CCDC171: variants seen among roughly 807,000 people sequenced by gnomAD.
CCDC171 encodes the protein coiled-coil domain-containing protein 171.
Under a neutral mutation model 168.2 loss-of-function variants are expected in CCDC171, and 177 were observed. That is an observed-to-expected ratio of 1.05 (90% confidence interval 0.93 to 1.19). The LOEUF (loss-of-function observed/expected upper bound fraction) is 1.19, where lower values mean the gene tolerates loss of function less well. CCDC171 is among the 50% of genes most tolerant of loss of function. The pLI, the probability that CCDC171 is intolerant of heterozygous loss-of-function variation, is 0.00. For synonymous variants in CCDC171, 687 were observed against 540.8 expected (o/e 1.27, Z -3.75); for missense variants, 1,991 against 1,539.0 (o/e 1.29, Z -4.91).
chr9:15,869,513 G>GTTT lies in CCDC171; in HGVS notation c.3469-5011_3469-5009dup, dbSNP rs72548935. 4.1e-3 allele frequency among the ~76,000 whole-genome samples: 610 copies of GTTT among 147,990 alleles called. 8 individuals carry two copies. Among genetic ancestry groups the GTTT allele is most frequent in the African/African-American group, 0.013 (533 of 40,148 alleles). ...TACTAAGAGCCTCTGAAAGCGTAGT[G>GTTT]TTTTTTTTTTGTTTGTTTTTGTTTT... On this transcript the variant is annotated intron_variant, in intron 23 of 25. Coordinates refer to ENST00000380701, the MANE Select transcript of CCDC171 (RefSeq NM_173550.4).
chr9:15,774,946 A>G (rs2057230683), intron 18 of CCDC171, among the ~76,000 whole-genome samples: 2 of 152,170 alleles, frequency 1.3e-5, no homozygotes, highest in South Asian at 4.1e-4. Context: ...TACTTTGGGG[A>G]CTCAGGGGAA....
At chr9:15,825,435 G>A (rs978018437) in intron 21 of CCDC171, among the ~76,000 whole-genome samples, 1 of 152,040 alleles carries the variant, frequency 6.6e-6, no homozygotes, top group Admixed American at 6.6e-5. Context: ...TACGTTCTCT[G>A]CAATCCTCTA....
intron 18 of CCDC171, among the ~76,000 whole-genome samples, chr9:15,776,804 G>C (rs1487763548): frequency 6.6e-6 from 1 of 152,116 alleles, no homozygotes; most frequent in East Asian, 1.9e-4. Flanking sequence ...ATGATGTAAA[G>C]ACAAGATTTA....
intron 4 of CCDC171, among the ~76,000 whole-genome samples, chr9:15,590,237 C>A (rs2131430143): frequency 6.6e-6 from 1 of 152,158 alleles, no homozygotes; most frequent in Admixed American, 6.5e-5. Context: ...CCTTTTGTAC[C>A]TTTTATACCT....
At chr9:15,737,383 G>T (rs1413431013) in intron 16 of CCDC171, among the ~76,000 whole-genome samples, 1 of 152,172 alleles carries the variant, frequency 6.6e-6, no homozygotes, top group African/African-American at 2.4e-5. Context: ...TAGAAGAGGA[G>T]ATAGATGGTC....
In CCDC171 at chr9:15,819,530, G is replaced by A. The variant is rs1489905050; in HGVS notation, c.3268-27172G>A. 1.7e-5 allele frequency among the ~76,000 whole-genome samples: 2 copies of A among 115,996 alleles called. 1 individual carries two copies. The highest frequency in any genetic ancestry group is 4.3e-4 in the East Asian group (2 of 4,646). The allele number at this position is 115,996 out of a possible 152,430, so 76.1% of individuals were successfully genotyped here. A position where few individuals can be genotyped will look rare whatever the true frequency, so the allele number is the denominator to read the frequency against. On this transcript the variant is annotated intron_variant, in intron 21 of 25. Transcript: ENST00000380701. ...CAAATGGAAAACAAAAATAGGCAGGGGTTGCCATCCTAATCTCGGATAAAA... is the reference window on the plus strand; with the variant it reads ...CAAATGGAAAACAAAAATAGGCAGGAGTTGCCATCCTAATCTCGGATAAAA...
chr9:15,826,369 A>C (rs2060012226), intron 21 of CCDC171, among the ~76,000 whole-genome samples: 1 of 152,112 alleles, frequency 6.6e-6, no homozygotes, highest in African/African-American at 2.4e-5. Context: ...TATTTTCCAA[A>C]AATGGCCACA....
intron 3 of CCDC171, among the ~76,000 whole-genome samples, chr9:16,007,574 T>C (rs1452984076): frequency 6.6e-6 from 1 of 152,238 alleles, no homozygotes; most frequent in East Asian, 1.9e-4. Flanking sequence ...AGGTTTAATA[T>C]GTAAGTCTTT....
intron 7 of CCDC171, among the ~76,000 whole-genome samples, chr9:15,650,768 C>T (rs942228116): frequency 1.3e-5 from 2 of 151,832 alleles, no homozygotes; most frequent in Admixed American, 1.3e-4. Context: ...TTATGGGGTA[C>T]ATGTGTTTTT....
chr9:15,756,363 T>C (rs917836837), intron 18 of CCDC171, among the ~76,000 whole-genome samples: 3 of 152,188 alleles, frequency 2.0e-5, no homozygotes, highest in Admixed American at 2.0e-4. Context: ...GAATGGTTAC[T>C]GTTATTTTTT....
At chr9:16,067,147 G>C in the CCDC171 span, among the ~76,000 whole-genome samples, 4 of 151,728 alleles carry the variant, frequency 2.6e-5, no homozygotes, top group Non-Finnish European at 5.9e-5. Flanking sequence ...TTTTAATGAT[G>C]GCCATTCTAA....
intron 23 of CCDC171, among the ~76,000 whole-genome samples, chr9:15,870,035 C>G (rs893806548): frequency 1.3e-5 from 2 of 151,638 alleles, no homozygotes; most frequent in Non-Finnish European, 2.9e-5. Context: ...GTCTTTGTCT[C>G]AACTACTCAA....
Position 15,729,815 on chromosome 9 carries a change from A to G in CCDC171, c.2049+17A>G, listed in dbSNP as rs767625284. 4.4e-6 allele frequency: 7 copies of G among 1,586,768 alleles called. No homozygotes were observed. The highest frequency in any genetic ancestry group is 1.7e-4 in the Middle Eastern group (1 of 5,902). On this transcript the variant is annotated intron_variant, in intron 16 of 25. Transcript: ENST00000380701. Reference sequence around the variant, plus strand: ...AGGGCACAGGTATGCTACCTTTACAAAGAGCTTTAAAAAATGGGTTACTCA... The same window carrying G: ...AGGGCACAGGTATGCTACCTTTACAGAGAGCTTTAAAAAATGGGTTACTCA...
At chr9:15,615,692 A>G (rs2044028570) in intron 6 of CCDC171, among the ~76,000 whole-genome samples, 2 of 151,952 alleles carry the variant, frequency 1.3e-5, no homozygotes, top group Non-Finnish European at 2.9e-5. Flanking sequence ...AATAGTGGGC[A>G]TACTCTTTGT....
intron 9 of CCDC171, among the ~76,000 whole-genome samples, chr9:15,673,933 C>T (rs1435583515): frequency 6.6e-6 from 1 of 152,166 alleles, no homozygotes; most frequent in East Asian, 1.9e-4. Context: ...GTACCAGCTC[C>T]TCTTTGTACC....
chr9:15,814,895 C>G (rs565681746), intron 21 of CCDC171, among the ~76,000 whole-genome samples: 3 of 152,088 alleles, frequency 2.0e-5, no homozygotes, highest in Non-Finnish European at 4.4e-5. Context: ...ATATTGACAT[C>G]CTAATGGTTG....
rs1358876003 is a variant in CCDC171, at chr9:15,817,119, C to T, written c.3268-29583C>T. Among the ~76,000 whole-genome samples the T allele has an allele frequency of 1.7e-5, 2 of 117,024 alleles. 1 individual carries two copies. Among genetic ancestry groups the T allele is most frequent in the African/African-American group, 6.4e-5 (2 of 31,046 alleles). 76.8% of individuals were successfully genotyped at this position (117,024 alleles called of 152,430 possible). Reference sequence around the variant, plus strand: ...CTAATTCCATTCTGATTGGCATTGGCTGTCATTAGGTGTTACCATTAAAAC... The same window carrying T: ...CTAATTCCATTCTGATTGGCATTGGTTGTCATTAGGTGTTACCATTAAAAC... On this transcript the variant is annotated intron_variant, in intron 21 of 25. Coordinates refer to ENST00000380701, the MANE Select transcript of CCDC171 (RefSeq NM_173550.4).
chr9:15,971,692 A>T lies in CCDC171; in HGVS notation c.3837A>T (p.Leu1279Phe), dbSNP rs768564567. Reference protein sequence around the residue: ...PADTTGIGDFLPLKAELDTTY... With the variant: ...PADTTGIGDFFPLKAELDTTY... ...ACACAACTGGTATTGGGGATTTCTTACCATTGAAAGCTGAACTTGATACTA... is the reference window on the plus strand; with the variant it reads ...ACACAACTGGTATTGGGGATTTCTTTCCATTGAAAGCTGAACTTGATACTA... The change falls in exon 26 of 26, where the codon TTA (leucine) becomes TTT (phenylalanine). Residue 1279 changes from leucine to phenylalanine, a missense_variant. By Grantham distance (22) the Leu-to-Phe change is conservative. Coordinates refer to ENST00000380701, the MANE Select transcript of CCDC171 (RefSeq NM_173550.4). The T allele has an allele frequency of 2.5e-6, 4 of 1,613,896 alleles. No homozygotes were observed. Among genetic ancestry groups the T allele is most frequent in the Non-Finnish European group, 3.4e-6 (4 of 1,179,844 alleles).
At chr9:16,047,529 T>A (rs1833680588) in intron 1 of CCDC171, among the ~76,000 whole-genome samples, 1 of 152,144 alleles carries the variant, frequency 6.6e-6, no homozygotes, top group African/African-American at 2.4e-5. Context: ...CCCTCCTAAT[T>A]TTCTACCTGT....
Sources: gnomAD v4.1 joint callset for allele counts (sites outside exome capture counted in the v4.1 genomes callset) on GRCh38, gnomAD v4.1.1 for gene constraint, MANE v1.5 for transcripts, NCBI Gene and HGNC (gene_info 2026-07-23, HGNC 2026-07-21) for gene names.